ANKS1B: variants seen among roughly 807,000 people sequenced by gnomAD.
ANKS1B encodes the protein ankyrin repeat and sterile alpha motif domain containing 1B, also known as ankyrin repeat and sterile alpha motif domain-containing protein 1B.
Under a neutral mutation model 148.3 loss-of-function variants are expected in ANKS1B, and 36 were observed. That is an observed-to-expected ratio of 0.24 (90% CI 0.19 to 0.32). The LOEUF (loss-of-function observed/expected upper bound fraction) is 0.32. Among genes scored for constraint, ANKS1B ranks in the 10% least tolerant of loss-of-function variants. ANKS1B has a pLI of 1.00. For synonymous variants in ANKS1B, 542 were observed against 560.8 expected (o/e 0.97, Z 0.47); for missense variants, 1,157 against 1,542.6 (o/e 0.75, Z 4.19).
chr12:99,267,230 C>T (rs1270336324), intron 12 of ANKS1B, among the ~76,000 whole-genome samples: 1 of 152,174 alleles, frequency 6.6e-6, no homozygotes, highest in African/African-American at 2.4e-5. Context: ...CTTTCAATTG[C>T]TCAAGCAATG....
chr12:99,594,772 T>C (rs1386911558), intron 9 of ANKS1B, among the ~76,000 whole-genome samples: 1 of 151,964 alleles, frequency 6.6e-6, no homozygotes, highest in Admixed American at 6.6e-5. Flanking sequence ...TTATGCAAGA[T>C]GAATAAGCTC....
At chr12:99,666,824 TAAC>T (rs1473764947) in intron 8 of ANKS1B, among the ~76,000 whole-genome samples, 1 of 151,362 alleles carries the variant, frequency 6.6e-6, no homozygotes, top group Non-Finnish European at 1.5e-5. Flanking sequence ...TCAAGCCAAT[TAAC>T]ATCTCCATCA....
At chr12:99,914,742 C>T (rs1318780831) in intron 1 of ANKS1B, among the ~76,000 whole-genome samples, 4 of 151,876 alleles carry the variant, frequency 2.6e-5, no homozygotes, top group Non-Finnish European at 2.9e-5. Context: ...TACATGAGAC[C>T]ACTAAACACT....
intron 17 of ANKS1B, among the ~76,000 whole-genome samples, chr12:98,972,801 G>T (rs979381394): frequency 2.0e-5 from 3 of 152,108 alleles, no homozygotes; most frequent in African/African-American, 7.2e-5. Flanking sequence ...AATATCATCT[G>T]CTCCTAAAAT....
At chr12:99,076,542 GCATATAGTCCCATGAAGATGGT>G (rs2047932455) in intron 16 of ANKS1B, among the ~76,000 whole-genome samples, 1 of 152,088 alleles carries the variant, frequency 6.6e-6, no homozygotes, top group Admixed American at 6.6e-5. Flanking sequence ...ACACTGAATA[GCATATAGTCCCATGAAGATGGT>G]CAAAGGGGCT....
At chr12:98,831,961 A>G (rs1281743717) in intron 18 of ANKS1B, 68 bp downstream of exon 18, 1 of 1,424,826 alleles carries the variant, frequency 7.0e-7, no homozygotes, top group South Asian at 1.2e-5. Flanking sequence ...CATGTTGGCC[A>G]GGCTGGTCTC....
chr12:99,577,880 G>T (rs1006449689), intron 9 of ANKS1B, among the ~76,000 whole-genome samples: 3 of 152,006 alleles, frequency 2.0e-5, no homozygotes, highest in African/African-American at 7.2e-5. Context: ...CATCCTATAA[G>T]GCCAGCACCA....
chr12:99,719,082 C>T (rs1338665256), intron 8 of ANKS1B, among the ~76,000 whole-genome samples: 1 of 152,158 alleles, frequency 6.6e-6, no homozygotes, highest in Non-Finnish European at 1.5e-5. Context: ...AGGACTGCAC[C>T]CTGTAGCCTT....
chr12:99,924,171 C>T, intron 1 of ANKS1B, among the ~76,000 whole-genome samples: 1 of 152,032 alleles, frequency 6.6e-6, no homozygotes, highest in East Asian at 1.9e-4. Flanking sequence ...AAACAAGTGG[C>T]ATAAGCAACA....
At chr12:99,374,171 G>GA (rs2093283474) in intron 12 of ANKS1B, among the ~76,000 whole-genome samples, 1 of 152,084 alleles carries the variant, frequency 6.6e-6, no homozygotes, top group Admixed American at 6.6e-5. Context: ...GAGGTTCCCA[G>GA]AAAATACATA....
chr12:99,493,157 G>T (rs923224328), intron 10 of ANKS1B, among the ~76,000 whole-genome samples: 1 of 152,112 alleles, frequency 6.6e-6, no homozygotes, highest in Admixed American at 6.6e-5. Flanking sequence ...TCTTGTCAGG[G>T]TTTCAACTGC....
intron 8 of ANKS1B, among the ~76,000 whole-genome samples, chr12:99,688,521 C>T (rs1007939873): frequency 6.6e-5 from 10 of 152,108 alleles, no homozygotes; most frequent in African/African-American, 2.4e-4. Context: ...AGAGACTGAT[C>T]GTTTTCGGAA....
At chr12:99,900,956 T>C (rs1193912131) in intron 1 of ANKS1B, among the ~76,000 whole-genome samples, 26 of 152,222 alleles carry the variant, frequency 1.7e-4, no homozygotes, top group Admixed American at 1.7e-3. Flanking sequence ...AACTATACTT[T>C]TTGTTTCTGA....
intron 10 of ANKS1B, among the ~76,000 whole-genome samples, chr12:99,487,174 G>T (rs779784359): frequency 3.3e-5 from 5 of 152,192 alleles, no homozygotes; most frequent in Admixed American, 1.3e-4. Flanking sequence ...GAACCACAGG[G>T]TATTCCCTTG....
intron 9 of ANKS1B, among the ~76,000 whole-genome samples, chr12:99,577,663 A>G (rs996784937): frequency 3.9e-5 from 6 of 152,058 alleles, no homozygotes; most frequent in African/African-American, 1.4e-4. Context: ...CCCAAGACTG[A>G]ACCAGGAGGA....
intron 17 of ANKS1B, among the ~76,000 whole-genome samples, chr12:98,939,568 G>GT (rs1473692066): frequency 1.3e-5 from 2 of 152,190 alleles, no homozygotes; most frequent in Non-Finnish European, 2.9e-5. Context: ...AGGACCTCTA[G>GT]TGGCAATGGC....
At chr12:99,045,203 T>G (rs961601224) in intron 17 of ANKS1B, among the ~76,000 whole-genome samples, 1 of 152,274 alleles carries the variant, frequency 6.6e-6, no homozygotes, top group Admixed American at 6.5e-5. Context: ...ATTACAAAAA[T>G]TTACTATATT....
chr12:98,812,681 C>G (rs1481078026), intron 19 of ANKS1B, among the ~76,000 whole-genome samples: 1 of 152,000 alleles, frequency 6.6e-6, no homozygotes, highest in African/African-American at 2.4e-5. Flanking sequence ...TCCAGTGATT[C>G]TTGTACCTCA....
At chr12:99,440,033 G>C (rs975538257) in intron 11 of ANKS1B, among the ~76,000 whole-genome samples, 13 of 151,604 alleles carry the variant, frequency 8.6e-5, no homozygotes, top group African/African-American at 3.1e-4. Context: ...ACAGTGATAC[G>C]CACACAGAAA....
Sources: gnomAD v4.1 joint callset for allele counts (sites outside exome capture counted in the v4.1 genomes callset) on GRCh38, gnomAD v4.1.1 for gene constraint, MANE v1.5 for transcripts, NCBI Gene and HGNC (gene_info 2026-07-23, HGNC 2026-07-21) for gene names.